Variants in RCOR1 observed in about 807,000 individuals in gnomAD.
RCOR1 encodes REST corepressor 1.
A neutral mutation model predicts 64.0 loss-of-function variants in RCOR1; 12 were observed. That is an observed-to-expected ratio of 0.19 (90% CI 0.12 to 0.30). RCOR1 has a LOEUF of 0.30. Ranked by LOEUF, RCOR1 falls within the 10% of genes least tolerant of loss-of-function variation. The pLI is 1.00. For synonymous variants in RCOR1, 279 were observed against 227.2 expected, an observed-to-expected ratio of 1.23 and a Z score of -2.05; for missense variants, 502 against 621.2, an observed-to-expected ratio of 0.81 and a Z score of 2.04.
chr14:102,721,982 A>G (rs1010807601), intron 10 of RCOR1, among the ~76,000 whole-genome samples: 3 of 152,198 alleles, frequency 2.0e-5, no homozygotes, highest in Non-Finnish European at 2.9e-5. Context: ...ATGGGAAGAC[A>G]GATATCAAAA....
chr14:102,592,876 G>GGCCCCC lies in RCOR1; in HGVS notation c.-7_-2dup. ...GTCCCCGCCACTTTCGCACGGCCCC[G>GGCCCCC]GCCCCCGCCGATGCCGGCCATGGTG... On this transcript the variant is annotated 5_prime_UTR_variant, in exon 1 of 12. Transcript: ENST00000262241. 7.4e-6 allele frequency: 9 copies of GGCCCCC among 1,219,788 alleles called. No individual in the cohort carries two copies. Among genetic ancestry groups the GGCCCCC allele is most frequent in the Non-Finnish European group, 9.2e-6 (9 of 978,688 alleles). 75.6% of individuals were successfully genotyped at this position (1,219,788 alleles called of 1,614,324 possible).
intron 2 of RCOR1, among the ~76,000 whole-genome samples, chr14:102,608,946 G>T (rs1362671201): frequency 6.6e-6 from 1 of 150,948 alleles, no homozygotes; most frequent in Admixed American, 6.6e-5. Flanking sequence ...TCATGTACAG[G>T]TATTTATCTG....
At chr14:102,623,287 C>A (rs550364421) in intron 2 of RCOR1, among the ~76,000 whole-genome samples, 5 of 151,856 alleles carry the variant, frequency 3.3e-5, no homozygotes, top group Non-Finnish European at 7.4e-5. Flanking sequence ...TATTGTTATT[C>A]TTCCCTCTTC....
At chr14:102,696,902 AC>A in intron 3 of RCOR1, among the ~76,000 whole-genome samples, 1 of 147,930 alleles carries the variant, frequency 6.8e-6, no homozygotes, top group Non-Finnish European at 1.5e-5. Flanking sequence ...AGTTAAGGAA[AC>A]CACGTGGGAG....
chr14:102,631,614 A>G (rs1359870141), intron 2 of RCOR1, among the ~76,000 whole-genome samples: 2 of 152,088 alleles, frequency 1.3e-5, no homozygotes, highest in African/African-American at 4.8e-5. Context: ...TATCATTATC[A>G]TCTCTACAAC....
At chr14:102,594,293 C>T (rs2085954491) in intron 2 of RCOR1, among the ~76,000 whole-genome samples, 1 of 152,186 alleles carries the variant, frequency 6.6e-6, no homozygotes, top group Non-Finnish European at 1.5e-5. Context: ...GTTAACAATC[C>T]TCCATGGTTG....
intron 11 of RCOR1, among the ~76,000 whole-genome samples, chr14:102,724,480 C>T (rs1896224574): frequency 6.6e-6 from 1 of 152,060 alleles, no homozygotes; most frequent in Non-Finnish European, 1.5e-5. Context: ...TATGGGTGTG[C>T]ACCACCATGC....
chr14:102,642,992 G>T (rs1894400384), intron 2 of RCOR1, among the ~76,000 whole-genome samples: 1 of 152,142 alleles, frequency 6.6e-6, no homozygotes, highest in Non-Finnish European at 1.5e-5. Context: ...ATTAGAAATG[G>T]AAGAGATTGG....
intron 4 of RCOR1, among the ~76,000 whole-genome samples, chr14:102,706,135 A>AAAAAAAAAAACCT (rs1567442101): frequency 6.7e-6 from 1 of 150,040 alleles, no homozygotes; most frequent in Admixed American, 6.6e-5. Context: ...AAAAAAAAAA[A>AAAAAAAAAAACCT]AAAAAAACCT....
chr14:102,708,121 A>T (rs751384751), intron 5 of RCOR1, among the ~76,000 whole-genome samples: 6 of 151,872 alleles, frequency 4.0e-5, no homozygotes, highest in Admixed American at 6.6e-5. Context: ...GCCCGCTACC[A>T]CGCCCGGCTA....
chr14:102,720,802 G>A, intron 8 of RCOR1: 1 of 423,488 alleles, frequency 2.4e-6, no homozygotes, highest in African/African-American at 2.1e-5. Flanking sequence ...TCCTTGGGTT[G>A]TACCTTATCT....
chr14:102,645,425 T>C (rs183779552), intron 2 of RCOR1, among the ~76,000 whole-genome samples: 1 of 152,332 alleles, frequency 6.6e-6, no homozygotes, highest in East Asian at 1.9e-4. Context: ...TTTCCTGTTT[T>C]CCACATTTCT....
chr14:102,690,098 A>G (rs549657613), intron 3 of RCOR1, among the ~76,000 whole-genome samples: 5 of 152,132 alleles, frequency 3.3e-5, no homozygotes, highest in African/African-American at 4.8e-5. Context: ...TGCATGTAAC[A>G]TGGTGGAGGT....
At chr14:102,612,142 A>G (rs1203226503) in intron 2 of RCOR1, among the ~76,000 whole-genome samples, 2 of 151,956 alleles carry the variant, frequency 1.3e-5, no homozygotes, top group African/African-American at 2.4e-5. Flanking sequence ...GACCAAATAC[A>G]TATTTCATAA....
intron 2 of RCOR1, among the ~76,000 whole-genome samples, chr14:102,622,415 G>A (rs1893893594): frequency 6.6e-6 from 1 of 152,112 alleles, no homozygotes; most frequent in African/African-American, 2.4e-5. Flanking sequence ...ATCACTGTCT[G>A]CTTGGGAACC....
intron 2 of RCOR1, among the ~76,000 whole-genome samples, chr14:102,594,971 CTT>C (rs1441670993): frequency 1.3e-5 from 2 of 151,978 alleles, no homozygotes; most frequent in Admixed American, 6.6e-5. Context: ...ATTTTGAAAA[CTT>C]TATGTAGATG....
chr14:102,637,762 T>C (rs949615322), intron 2 of RCOR1, among the ~76,000 whole-genome samples: 1 of 152,220 alleles, frequency 6.6e-6, no homozygotes, highest in Non-Finnish European at 1.5e-5. Context: ...AAAGCGATTT[T>C]TTTTGAGACA....
intron 2 of RCOR1, among the ~76,000 whole-genome samples, chr14:102,652,890 G>C (rs1197549641): frequency 6.6e-6 from 1 of 152,012 alleles, no homozygotes; most frequent in East Asian, 1.9e-4. Flanking sequence ...AATACCAGCT[G>C]TTGAATTTTA....
chr14:102,653,939 C>CT (rs1415214602), intron 2 of RCOR1, among the ~76,000 whole-genome samples: 1 of 34,772 alleles, frequency 2.9e-5, no homozygotes, highest in Non-Finnish European at 5.4e-5. Flanking sequence ...TTCTTTCTTT[C>CT]TTTCTTTCTT....
Sources: allele counts gnomAD v4.1 joint callset (sites outside exome capture counted in the v4.1 genomes callset), GRCh38; gene constraint gnomAD v4.1.1; transcripts MANE v1.5; gene names NCBI Gene and HGNC (gene_info 2026-07-23, HGNC 2026-07-21).